The following SP4 variants were observed in gnomAD, a reference collection of about 807,000 sequenced individuals.
SP4 encodes the protein Sp4 transcription factor.
SP4 carries 19 observed loss-of-function variants against 72.8 expected under a neutral mutation model. The ratio of observed to expected loss-of-function variants is 0.26; its 90% CI spans 0.18 to 0.38. SP4 has a LOEUF of 0.38. Among genes scored for constraint, SP4 ranks in the 10% least tolerant of loss-of-function variants. The pLI is 1.00. For missense variants in SP4, 1,008 were observed against 926.3 expected (o/e 1.09, Z -1.14); for synonymous variants, 395 against 333.1 (o/e 1.19, Z -2.02).
At chr7:21,497,864 A>G (rs1041770835) in intron 5 of SP4, among the ~76,000 whole-genome samples, 1 of 152,194 alleles carries the variant, frequency 6.6e-6, no homozygotes, top group Non-Finnish European at 1.5e-5. Flanking sequence ...AAAATGAAAA[A>G]TCACTCATTA....
In SP4 at chr7:21,477,312, A is replaced by C; in HGVS notation, c.1907+5A>C. On this transcript the variant is annotated splice_donor_5th_base_variant and intron_variant, in intron 4 of 5. Transcript: ENST00000222584. ...TTGTAGGGAAGGAGAAGGAAGGTAA[A>C]TGCTGTATTTTTCAACTGTGTCTAT... 6.3e-7 allele frequency: 1 copy of C among 1,592,120 alleles called. No individual in the cohort carries two copies. Among genetic ancestry groups the C allele is most frequent in the Non-Finnish European group, 8.6e-7 (1 of 1,161,334 alleles).
At position 21,513,171 on chromosome 7, in the gene SP4, A is replaced by C. The variant is rs1782191952; in HGVS notation, c.*1902A>C. 6.6e-6 allele frequency: 1 copy of C among 152,620 alleles called. No homozygotes were observed. The highest frequency in any genetic ancestry group is 1.5e-5 in the Non-Finnish European group (1 of 68,038). The allele number at this position is 152,620 out of a possible 1,614,324, so 9.5% of individuals were successfully genotyped here. A position where few individuals can be genotyped will look rare whatever the true frequency, so the allele number is the denominator to read the frequency against. ...GTGATGTTTCTTGTATTTTTGATGA[A>C]GGAGAAATACTGTAATGATCACTGT... On this transcript the variant is annotated 3_prime_UTR_variant, in exon 6 of 6. Transcript: ENST00000222584.
At chr7:21,456,839 C>A (rs1783779355) in intron 3 of SP4, among the ~76,000 whole-genome samples, 2 of 152,196 alleles carry the variant, frequency 1.3e-5, no homozygotes, top group Non-Finnish European at 2.9e-5. Context: ...CTCAGGTCTG[C>A]CTGATGTAGA....
At chr7:21,442,003 T>G (rs1783261341) in intron 3 of SP4, among the ~76,000 whole-genome samples, 1 of 91,500 alleles carries the variant, frequency 1.1e-5, no homozygotes, top group Non-Finnish European at 2.2e-5. Flanking sequence ...TGTGTGTGTG[T>G]GTTTGTGTGT....
chr7:21,434,039 G>A (rs949845494), intron 3 of SP4, among the ~76,000 whole-genome samples: 6 of 152,044 alleles, frequency 3.9e-5, no homozygotes, highest in Non-Finnish European at 7.4e-5. Flanking sequence ...TACCCATATC[G>A]CCCTTTTATA....
intron 3 of SP4, among the ~76,000 whole-genome samples, chr7:21,451,354 A>T (rs1783595030): frequency 6.6e-6 from 1 of 152,164 alleles, no homozygotes; most frequent in African/African-American, 2.4e-5. Flanking sequence ...CGACAGTTTA[A>T]CAACTGCCTG....
intron 5 of SP4, among the ~76,000 whole-genome samples, chr7:21,507,842 A>G (rs1782040638): frequency 6.6e-6 from 1 of 151,828 alleles, no homozygotes; most frequent in Non-Finnish European, 1.5e-5. Flanking sequence ...CACCCATGGA[A>G]TCACTTCATC....
At chr7:21,502,350 AT>A (rs1781892691) in intron 5 of SP4, among the ~76,000 whole-genome samples, 1 of 152,118 alleles carries the variant, frequency 6.6e-6, no homozygotes, top group Admixed American at 6.6e-5. Flanking sequence ...CCATGGGCTT[AT>A]TGAACTCTGC....
intron 5 of SP4, among the ~76,000 whole-genome samples, chr7:21,487,856 G>A (rs1181445353): frequency 2.0e-5 from 3 of 151,896 alleles, no homozygotes; most frequent in Non-Finnish European, 4.4e-5. Context: ...TTATGAGCTA[G>A]TGGCGTTTTG....
intron 3 of SP4, among the ~76,000 whole-genome samples, chr7:21,433,161 A>G (rs933592371): frequency 6.6e-6 from 1 of 152,200 alleles, no homozygotes; most frequent in Non-Finnish European, 1.5e-5. Context: ...ACAAGTGTGT[A>G]TTGAGATGGC....
chr7:21,429,487 A>G lies in SP4; in HGVS notation c.322A>G (p.Thr108Ala), dbSNP rs760130996. The change falls in exon 3 of 6, where the codon ACT (threonine) becomes GCT (alanine). Residue 108 changes from threonine (T) to alanine (A), a missense_variant. Coordinates refer to ENST00000222584, the MANE Select transcript of SP4 (RefSeq NM_003112.5). ...AGNAWQLVASTPPASKENNVS... is the reference protein window; with the variant it reads ...AGNAWQLVASAPPASKENNVS... ...AAACGCTTGGCAACTTGTTGCCTCCACTCCTCCTGCTTCAAAAGAGAATAA... is the reference window on the plus strand; with the variant it reads ...AAACGCTTGGCAACTTGTTGCCTCCGCTCCTCCTGCTTCAAAAGAGAATAA... 4.3e-6 allele frequency: 7 copies of G among 1,613,880 alleles called. No individual in the cohort carries two copies. Among genetic ancestry groups the G allele is most frequent in the Admixed American group, 1.7e-5 (1 of 59,986 alleles).
chr7:21,440,340 G>A (rs770581181), intron 3 of SP4, among the ~76,000 whole-genome samples: 6 of 152,184 alleles, frequency 3.9e-5, no homozygotes, highest in Non-Finnish European at 8.8e-5. Context: ...GTATGCAGGA[G>A]GTGGTAACTT....
In SP4 at chr7:21,481,950, A is replaced by G. The variant is rs1784701430; in HGVS notation, c.1934A>G (p.Lys645Arg). 1 of 1,614,060 alleles carries G rather than the reference A, an allele frequency of 6.2e-7. No individual in the cohort carries two copies. The highest frequency in any genetic ancestry group is 8.5e-7 in the Non-Finnish European group (1 of 1,179,910). The change falls in exon 5 of 6, where the codon AAG becomes AGG. Residue 645 changes from lysine to arginine, a missense_variant. By Grantham distance (26) the Lys-to-Arg change is conservative. This residue lies in a region of SP4 where 48 missense variants were observed against 117.0 expected (regional missense o/e 0.41). Transcript: ENST00000222584. ...GRGSNEPGKK[K>R]QHICHIEGCG... ...GGCAGTAATGAACCAGGAAAAAAGA[A>G]GCAGCATATCTGTCATATTGAAGGA...
chr7:21,433,184 A>C lies in SP4; in HGVS notation c.1678+2341A>C, dbSNP rs565017840. The stretch of plus-strand genomic sequence containing the variant: ...GTATTGAGATGGCTACTGTATGCTG[A>C]ACACTGCCAATAGGTGTGGTTATTC... On this transcript the variant is annotated intron_variant, in intron 3 of 5. Transcript: ENST00000222584. 7.9e-5 allele frequency among the ~76,000 whole-genome samples: 12 copies of C among 152,306 alleles called. No homozygotes were observed. In the South Asian group the frequency reaches 1.5e-3, roughly 18 times the overall value.
intron 3 of SP4, among the ~76,000 whole-genome samples, chr7:21,455,345 C>T (rs1395884231): frequency 6.6e-6 from 1 of 152,060 alleles, no homozygotes; most frequent in African/African-American, 2.4e-5. Flanking sequence ...CAAAGGAAAA[C>T]TAGTTTTTTG....
intron 4 of SP4, among the ~76,000 whole-genome samples, chr7:21,477,617 A>G (rs1054994402): frequency 7.3e-5 from 11 of 151,560 alleles, no homozygotes; most frequent in African/African-American, 2.7e-4. Flanking sequence ...GCTCACTGCA[A>G]TCTCTGCCTC....
At chr7:21,487,344 CTCTT>C (rs1373477745) in intron 5 of SP4, among the ~76,000 whole-genome samples, 4 of 149,346 alleles carry the variant, frequency 2.7e-5, no homozygotes, top group African/African-American at 9.8e-5. Flanking sequence ...CCCTCTCTCT[CTCTT>C]TCTCTGTCTC....
intron 3 of SP4, among the ~76,000 whole-genome samples, chr7:21,475,663 C>T (rs1784478956): frequency 6.6e-6 from 1 of 152,050 alleles, no homozygotes; most frequent in African/African-American, 2.4e-5. Flanking sequence ...CTGGGTTTCA[C>T]CATGTTAGCC....
chr7:21,494,444 G>A (rs1785055861), intron 5 of SP4, among the ~76,000 whole-genome samples: 1 of 152,188 alleles, frequency 6.6e-6, no homozygotes, highest in Admixed American at 6.5e-5. Flanking sequence ...CCAGATACAG[G>A]ATAAATGTAC....
Sources: gnomAD v4.1 joint callset for allele counts (sites outside exome capture counted in the v4.1 genomes callset) on GRCh38, gnomAD v4.1.1 for gene constraint, gnomAD v4.1.1 regional missense constraint, MANE v1.5 for transcripts, NCBI Gene and HGNC (gene_info 2026-07-23, HGNC 2026-07-21) for gene names.